The following LRRC74B variants were observed in gnomAD, a reference collection of about 807,000 sequenced individuals.
The protein encoded by LRRC74B is leucine-rich repeat-containing protein 74B.
In LRRC74B, 30 loss-of-function variants were observed where a neutral mutation model predicts 16.6. That is an observed-to-expected ratio of 1.80 (90% CI 1.35 to 2.45). The LOEUF (loss-of-function observed/expected upper bound fraction) is 2.45, where lower values mean the gene tolerates loss of function less well. Among genes scored for constraint, LRRC74B ranks in the 30% most tolerant of loss-of-function variants. The pLI is 0.00. For synonymous variants in LRRC74B, 134 were observed against 86.0 expected (o/e 1.56, Z -3.09); for missense variants, 326 against 202.4 (o/e 1.61, Z -3.71).
At chr22:21,051,421 A>T (rs535040161) in intron 4 of LRRC74B, among the ~76,000 whole-genome samples, 2 of 152,204 alleles carry the variant, frequency 1.3e-5, no homozygotes, top group African/African-American at 4.8e-5. Context: ...CTTCTGCCTC[A>T]GCCTCCTGAG....
At chr22:21,050,327 G>C (rs1190116279) in intron 4 of LRRC74B, among the ~76,000 whole-genome samples, 1 of 151,208 alleles carries the variant, frequency 6.6e-6, no homozygotes, top group African/African-American at 2.4e-5. Flanking sequence ...GGGCCACCGC[G>C]CCTGGCCGAG....
exon 7 of LRRC74B, chr22:21,055,165 A>C: frequency 1.4e-6 from 1 of 716,486 alleles, no homozygotes; most frequent in African/African-American, 1.7e-5. Context: ...CCAGACGCTG[A>C]GGATTCTTGT....
At chr22:21,056,741 A>T in intron 7 of LRRC74B, 1 of 234,486 alleles carries the variant, frequency 4.3e-6, no homozygotes, top group Admixed American at 5.5e-5. Context: ...CCCTGCCCAG[A>T]TACACCTCCC....
At chr22:21,059,370 G>A (rs1348061881) in intron 8 of LRRC74B, among the ~76,000 whole-genome samples, 3 of 152,184 alleles carry the variant, frequency 2.0e-5, no homozygotes, top group African/African-American at 7.2e-5. Flanking sequence ...TCCAGCCTGA[G>A]CAACAAGAGT....
At chr22:21,046,714 C>G (rs1009343495) in intron 1 of LRRC74B, among the ~76,000 whole-genome samples, 5 of 152,064 alleles carry the variant, frequency 3.3e-5, no homozygotes. Flanking sequence ...CTCACTGCAG[C>G]CTTGAACTCT....
intron 8 of LRRC74B, among the ~76,000 whole-genome samples, chr22:21,058,250 C>G (rs544354071): frequency 1.4e-4 from 22 of 152,026 alleles, no homozygotes; most frequent in South Asian, 6.2e-4. Context: ...TGGCTCACAC[C>G]TATAATCTTA....
At chr22:21,053,051 C>T (rs1013450989) in intron 5 of LRRC74B, among the ~76,000 whole-genome samples, 11 of 152,130 alleles carry the variant, frequency 7.2e-5, no homozygotes, top group Non-Finnish European at 1.3e-4. Context: ...GTGTGGAGTC[C>T]GATCAATGTT....
chr22:21,047,476 G>C (rs1280560506), exon 2 of LRRC74B: 6 of 717,470 alleles, frequency 8.4e-6, no homozygotes, highest in Non-Finnish European at 1.6e-5. Context: ...CTGAACCTCC[G>C]GCACCGTGGC....
intron 1 of LRRC74B, among the ~76,000 whole-genome samples, 197 bp from the exon 2 acceptor site, chr22:21,047,159 G>C (rs980812553): frequency 1.3e-5 from 2 of 152,024 alleles, no homozygotes; most frequent in Non-Finnish European, 2.9e-5. Context: ...TTTGATAGCC[G>C]TATGACTTTA....
intron 8 of LRRC74B, among the ~76,000 whole-genome samples, chr22:21,059,069 A>G (rs1269688899): frequency 1.3e-5 from 2 of 152,220 alleles, no homozygotes; most frequent in Non-Finnish European, 2.9e-5. Flanking sequence ...CCTGGCCAAC[A>G]TGGCAAAACC....
At chr22:21,046,635 A>C (rs2148129807) in intron 1 of LRRC74B, among the ~76,000 whole-genome samples, 1 of 151,644 alleles carries the variant, frequency 6.6e-6, no homozygotes, top group Admixed American at 6.6e-5. Flanking sequence ...TATATAAATA[A>C]ATTATTTATT....
At chr22:21,055,747 C>A (rs1159399564) in intron 7 of LRRC74B, among the ~76,000 whole-genome samples, 1 of 152,168 alleles carries the variant, frequency 6.6e-6, no homozygotes, top group Non-Finnish European at 1.5e-5. Context: ...CAGCTCCCCA[C>A]CCTAGCCTTA....
At chr22:21,051,133 C>T (rs1392072141) in intron 4 of LRRC74B, among the ~76,000 whole-genome samples, 1 of 152,076 alleles carries the variant, frequency 6.6e-6, no homozygotes, top group Non-Finnish European at 1.5e-5. Context: ...GGTTGGGCAA[C>T]AGGGTGAGAC....
exon 9 of LRRC74B, chr22:21,060,424 A>C: frequency 1.4e-6 from 1 of 717,120 alleles, no homozygotes; most frequent in Admixed American, 2.0e-5. Context: ...AGTGAGGGGA[A>C]TTCTTCCAGA....
At chr22:21,056,357 C>T (rs1930515678) in intron 7 of LRRC74B, among the ~76,000 whole-genome samples, 2 of 151,924 alleles carry the variant, frequency 1.3e-5, no homozygotes, top group African/African-American at 2.4e-5. Flanking sequence ...AAAAGATGAG[C>T]CAGATGTGGT....
chr22:21,048,082 C>T (rs971148030), intron 3 of LRRC74B, 66 bp downstream of exon 3: 10 of 710,526 alleles, frequency 1.4e-5, no homozygotes, highest in East Asian at 8.1e-5. Context: ...GTGCCTCCAT[C>T]GTTGAAAGCT....
At chr22:21,050,450 G>T (rs1929920314) in intron 4 of LRRC74B, among the ~76,000 whole-genome samples, 1 of 152,040 alleles carries the variant, frequency 6.6e-6, no homozygotes, top group Non-Finnish European at 1.5e-5. Context: ...GAACCAGTTT[G>T]CCTTCTAAGA....
chr22:21,053,656 C>T (rs766402456), intron 6 of LRRC74B, among the ~76,000 whole-genome samples, 181 bp downstream of exon 6: 1 of 152,204 alleles, frequency 6.6e-6, no homozygotes, highest in South Asian at 2.1e-4. Flanking sequence ...CAGCATCTTG[C>T]TTTATTGCCC....
intron 5 of LRRC74B, 55 bp downstream of exon 5, chr22:21,052,413 C>A: frequency 1.4e-6 from 1 of 713,622 alleles, no homozygotes; most frequent in African/African-American, 1.7e-5. Context: ...GCCTGTCTCC[C>A]AGGGGCCACC....
Sources: gnomAD v4.1 joint callset for allele counts (sites outside exome capture counted in the v4.1 genomes callset) on GRCh38, gnomAD v4.1.1 for gene constraint, MANE v1.5 for transcripts, NCBI Gene and HGNC (gene_info 2026-07-23, HGNC 2026-07-21) for gene names.